Variants in PAPSS2 observed in about 807,000 individuals in gnomAD.
The protein encoded by PAPSS2 is 3'-phosphoadenosine 5'-phosphosulfate synthase 2.
Under a neutral mutation model 66.5 loss-of-function variants are expected in PAPSS2, and 61 were observed. The ratio of observed to expected loss-of-function variants is 0.92; its 90% CI spans 0.75 to 1.14. The LOEUF is 1.14. Among genes scored for constraint, PAPSS2 ranks in the 50% most tolerant of loss-of-function variants. PAPSS2 has a pLI of 0.00. For synonymous variants in PAPSS2, 289 were observed against 287.5 expected, an observed-to-expected ratio of 1.01 and a Z score of -0.05; for missense variants, 708 against 789.6, an observed-to-expected ratio of 0.90 and a Z score of 1.24.
intron 1 of PAPSS2, among the ~76,000 whole-genome samples, chr10:87,705,533 C>T (rs1853371807): frequency 6.6e-6 from 1 of 152,122 alleles, no homozygotes; most frequent in Non-Finnish European, 1.5e-5. Flanking sequence ...TTCATACCTC[C>T]ACCATCAAAA....
intron 1 of PAPSS2, among the ~76,000 whole-genome samples, chr10:87,689,776 A>G (rs1853146711): frequency 6.6e-6 from 1 of 151,672 alleles, no homozygotes; most frequent in South Asian, 2.1e-4. Context: ...CAAGGGGTAA[A>G]GAGTATGAAT....
rs1853918962 is a variant in PAPSS2, at chr10:87,745,046, C to T, written c.1536C>T (p.Phe512=). 6.2e-7 allele frequency: 1 copy of T among 1,614,130 alleles called. No homozygotes were observed. The highest frequency in any genetic ancestry group is 1.3e-5 in the African/African-American group (1 of 75,048). ...CCCGGATGATTGCGGGTGCCAATTT[C>T]TACATTGTGGGGAGGGACCCTGCAG... ...CRSRMIAGAN[F]YIVGRDPAGM... Residue 512 remains phenylalanine, a synonymous_variant, in exon 12 of 13, where the codon TTC becomes TTT. Transcript: ENST00000456849.
intron 9 of PAPSS2, 135 bp from the exon 10 acceptor site, chr10:87,741,098 AAT>A (rs1451404582): frequency 6.7e-6 from 6 of 895,076 alleles, no homozygotes; most frequent in Non-Finnish European, 9.0e-6. Flanking sequence ...AAGTTTGAGA[AAT>A]ACTGTGCCAG....
chr10:87,667,674 T>A (rs891364496), intron 1 of PAPSS2, among the ~76,000 whole-genome samples: 6 of 152,238 alleles, frequency 3.9e-5, no homozygotes, highest in Non-Finnish European at 5.9e-5. Flanking sequence ...GATTTTGCTG[T>A]AATTGATATT....
chr10:87,727,923 T>C (rs1853680711), intron 9 of PAPSS2, among the ~76,000 whole-genome samples: 1 of 152,122 alleles, frequency 6.6e-6, no homozygotes, highest in East Asian at 1.9e-4. Context: ...GAACTCAGAG[T>C]TCATGCTCTG....
chr10:87,676,364 A>G (rs879100309), intron 1 of PAPSS2, among the ~76,000 whole-genome samples: 2 of 152,178 alleles, frequency 1.3e-5, no homozygotes, highest in Admixed American at 1.3e-4. Flanking sequence ...GTCACATTTG[A>G]TAGACATGAG....
intron 1 of PAPSS2, among the ~76,000 whole-genome samples, chr10:87,689,449 T>A (rs1853137444): frequency 6.6e-6 from 1 of 151,128 alleles, no homozygotes; most frequent in Admixed American, 6.6e-5. Flanking sequence ...GGCAGGTGGA[T>A]CACCTGAAGT....
intron 1 of PAPSS2, among the ~76,000 whole-genome samples, chr10:87,682,305 C>A (rs575346694): frequency 6.6e-6 from 1 of 152,340 alleles, no homozygotes; most frequent in African/African-American, 2.4e-5. Flanking sequence ...CTTCCCCAGT[C>A]TTGCAGGCAC....
chr10:87,710,182 A>T (rs1313547744), intron 2 of PAPSS2, among the ~76,000 whole-genome samples: 1 of 152,224 alleles, frequency 6.6e-6, no homozygotes, highest in East Asian at 1.9e-4. Context: ...ACAATCTGGC[A>T]GGTGGGGACC....
chr10:87,665,247 T>C (rs1288851136), intron 1 of PAPSS2, among the ~76,000 whole-genome samples: 1 of 151,930 alleles, frequency 6.6e-6, no homozygotes, highest in Non-Finnish European at 1.5e-5. Context: ...AGTCTCGCAC[T>C]GTCACCCAGG....
At position 87,721,910 on chromosome 10, in the gene PAPSS2, T is replaced by C. The variant is rs116984245; in HGVS notation, c.880+140T>C. Reference sequence around the variant, plus strand: ...TATTAGTTCATGATCCAACCAGCTATAGTAGAATAACACTGTATTTTTCTT... The same window carrying C: ...TATTAGTTCATGATCCAACCAGCTACAGTAGAATAACACTGTATTTTTCTT... On this transcript the variant is annotated intron_variant, in intron 8 of 12. Coordinates refer to ENST00000456849, the MANE Select transcript of PAPSS2 (RefSeq NM_001015880.2). 5,673 of 597,410 alleles carry C rather than the reference T, an allele frequency of 9.5e-3. 175 individuals carry two copies. The highest frequency in any genetic ancestry group is 0.081 in the East Asian group (2,758 of 33,972). 37.0% of individuals were successfully genotyped at this position (597,410 alleles called of 1,614,324 possible). A position where few individuals can be genotyped will look rare whatever the true frequency, so the allele number is the denominator to read the frequency against.
chr10:87,734,003 T>A (rs1853761746), intron 9 of PAPSS2, among the ~76,000 whole-genome samples: 1 of 152,208 alleles, frequency 6.6e-6, no homozygotes, highest in Admixed American at 6.5e-5. Context: ...TTGAATTCAT[T>A]CACTCCTCTT....
chr10:87,669,500 T>A (rs1265809752), intron 1 of PAPSS2, among the ~76,000 whole-genome samples: 1 of 152,204 alleles, frequency 6.6e-6, no homozygotes, highest in East Asian at 1.9e-4. Context: ...TACTAAAAAA[T>A]AACCAAATCA....
chr10:87,745,917 C>T lies in PAPSS2; in HGVS notation c.1807C>T (p.Pro603Ser), dbSNP rs760987617. 4.3e-6 allele frequency: 7 copies of T among 1,613,894 alleles called. No homozygotes were observed. The Admixed American group carries it at 1.0e-4, about 23-fold the overall frequency. ...GAATCCCCCAGATGGCTTCATGGCCCCCAAAGCATGGAAGGTCCTGACAGA... is the reference window on the plus strand; with the variant it reads ...GAATCCCCCAGATGGCTTCATGGCCTCCAAAGCATGGAAGGTCCTGACAGA... Reference protein sequence around the residue: ...GENPPDGFMAPKAWKVLTDYY... With the variant: ...GENPPDGFMASKAWKVLTDYY... Residue 603 changes from proline to serine, a missense_variant, in exon 13 of 13, where the codon CCC becomes TCC. Transcript: ENST00000456849.
intron 1 of PAPSS2, among the ~76,000 whole-genome samples, chr10:87,707,084 C>G (rs898014256): frequency 6.6e-6 from 1 of 152,174 alleles, no homozygotes; most frequent in Non-Finnish European, 1.5e-5. Context: ...AATGCCTGTT[C>G]CCTAACCATT....
At chr10:87,694,196 G>A (rs1175164607) in intron 1 of PAPSS2, among the ~76,000 whole-genome samples, 3 of 152,168 alleles carry the variant, frequency 2.0e-5, no homozygotes, top group African/African-American at 7.2e-5. Context: ...TTCTAGTGGA[G>A]GCAGAATTTG....
At chr10:87,728,886 G>C (rs1853692347) in intron 9 of PAPSS2, among the ~76,000 whole-genome samples, 2 of 152,116 alleles carry the variant, frequency 1.3e-5, no homozygotes, top group Non-Finnish European at 1.5e-5. Context: ...CCCTGTTTGT[G>C]GCCTCTGAAG....
rs530851231 is a variant in PAPSS2 at position 87,681,664 on chromosome 10, A to G, written c.27+21656A>G. ...ACTCTAATTTTAGAACATTTTCATT[A>G]CGCTAAAAAGATCCCTGGTGCCCAT... On this transcript the variant is annotated intron_variant, in intron 1 of 12. Transcript: ENST00000456849. Among the ~76,000 whole-genome samples the G allele has an allele frequency of 3.5e-4, 53 of 152,348 alleles. 2 individuals carry two copies. In the South Asian group the frequency reaches 0.011, roughly 31 times the overall value.
chr10:87,705,982 T>C (rs1442829098), intron 1 of PAPSS2, among the ~76,000 whole-genome samples: 1 of 150,642 alleles, frequency 6.6e-6, no homozygotes, highest in East Asian at 2.0e-4. Flanking sequence ...TCTGCCCGCC[T>C]CGGCCTCCCA....
Sources: allele counts gnomAD v4.1 joint callset (sites outside exome capture counted in the v4.1 genomes callset), GRCh38; gene constraint gnomAD v4.1.1; transcripts MANE v1.5; gene names NCBI Gene and HGNC (gene_info 2026-07-23, HGNC 2026-07-21).